RASA3: variants seen among roughly 807,000 people sequenced by gnomAD.
RASA3 encodes the protein RAS p21 protein activator 3, also known as ras GTPase-activating protein 3.
A neutral mutation model predicts 110.0 loss-of-function variants in RASA3; 73 were observed. That is an observed-to-expected ratio of 0.66 (90% CI 0.55 to 0.81). RASA3 has a LOEUF of 0.81. Ranked by LOEUF, RASA3 falls within the 30% of genes least tolerant of loss-of-function variation. RASA3 has a pLI of 0.00. For missense variants in RASA3, 976 were observed against 1,113.2 expected (o/e 0.88, Z 1.75); for synonymous variants, 500 against 451.4 (o/e 1.11, Z -1.37).
Position 114,011,084 on chromosome 13 carries a change from A to C in RASA3, c.1590+87T>G, listed in dbSNP as rs779834500. On this transcript the variant is annotated intron_variant, in intron 16 of 23. Transcript: ENST00000334062. This position sits in a 1 kb window ranked among gnomAD's most constrained non-coding sequence, Gnocchi z 4.8. The stretch of plus-strand genomic sequence containing the variant: ...TGATCTTTATCTTACGACTCTCTCA[A>C]ATGTGGGAGGTTTTTCACGTGTATT... The C allele has an allele frequency of 1.1e-4, 140 of 1,219,028 alleles. No homozygotes were observed. Among genetic ancestry groups the C allele is most frequent in the Admixed American group, 4.0e-4 (20 of 50,560 alleles). The allele number at this position is 1,219,028 out of a possible 1,614,324, so 75.5% of individuals were successfully genotyped here. A position where few individuals can be genotyped will look rare whatever the true frequency, so the allele number is the denominator to read the frequency against.
chr13:114,113,552 C>G lies in RASA3; in HGVS notation c.55+18883G>C, dbSNP rs9590452. Among the ~76,000 whole-genome samples, 188 of 151,666 alleles carry G rather than the reference C, an allele frequency of 1.2e-3. 1 individual carries two copies. The highest frequency in any genetic ancestry group is 3.4e-3 in the Middle Eastern group (1 of 292). ...GACTGGCTGGCTCACATTGTGTCCA[C>G]CAATCCACCCACCACGGCGAGTGAT... On this transcript the variant is annotated intron_variant, in intron 1 of 23. Transcript: ENST00000334062.
chr13:113,998,371 G>A (rs1364758737), intron 20 of RASA3, among the ~76,000 whole-genome samples: 2 of 152,176 alleles, frequency 1.3e-5, no homozygotes. Flanking sequence ...GATCTGTCTG[G>A]ACTGCCTGTG....
chr13:114,063,525 C>T (rs1246409182), intron 2 of RASA3, among the ~76,000 whole-genome samples: 2 of 152,092 alleles, frequency 1.3e-5, no homozygotes, highest in African/African-American at 2.4e-5. Flanking sequence ...AGGTTATGTT[C>T]CCTGTGACAG....
chr13:114,073,861 T>C, intron 1 of RASA3, 24 bp from the exon 2 acceptor site: 1 of 1,561,602 alleles, frequency 6.4e-7, no homozygotes, highest in South Asian at 1.1e-5. Context: ...GCGACATACA[T>C]CATCAGCAGC....
intron 2 of RASA3, among the ~76,000 whole-genome samples, chr13:114,053,772 A>C (rs1430955669): frequency 6.6e-6 from 1 of 152,278 alleles, no homozygotes; most frequent in Admixed American, 6.5e-5. Context: ...AATAAATGGA[A>C]AATCAAACTT....
intron 4 of RASA3, among the ~76,000 whole-genome samples, chr13:114,031,139 G>T (rs1292719260): frequency 6.6e-6 from 1 of 151,822 alleles, no homozygotes; most frequent in African/African-American, 2.4e-5. Context: ...CTGTGTGCAT[G>T]TTCGCCTGTG....
intron 2 of RASA3, among the ~76,000 whole-genome samples, chr13:114,070,404 G>C (rs1566549446): frequency 6.6e-6 from 1 of 152,112 alleles, no homozygotes; most frequent in Non-Finnish European, 1.5e-5. Context: ...TAATGCATGT[G>C]CACCGATGGA....
At chr13:114,045,760 AACAGCACC>A in intron 3 of RASA3, among the ~76,000 whole-genome samples, 1 of 152,330 alleles carries the variant, frequency 6.6e-6, no homozygotes, top group Admixed American at 6.5e-5. Flanking sequence ...ATTACACAAA[AACAGCACC>A]TTTCACAAAA....
At chr13:114,020,585 C>A (rs567803927) in intron 9 of RASA3, among the ~76,000 whole-genome samples, 1 of 152,210 alleles carries the variant, frequency 6.6e-6, no homozygotes, top group Admixed American at 6.5e-5. Flanking sequence ...TGGGAGTGCA[C>A]GCTTCCCGTG....
At chr13:114,024,220 G>A (rs933418912) in intron 8 of RASA3, 59 bp downstream of exon 8, 3 of 1,456,968 alleles carry the variant, frequency 2.1e-6, no homozygotes, top group Non-Finnish European at 2.9e-6. Context: ...AAGAACAAAA[G>A]AGCTGAGGAG....
At chr13:114,089,020 C>T (rs1269871166) in intron 1 of RASA3, among the ~76,000 whole-genome samples, 2 of 152,088 alleles carry the variant, frequency 1.3e-5, no homozygotes, top group African/African-American at 4.8e-5. Context: ...GGGACAGCCC[C>T]CAGCTCCTCC....
Position 114,011,816 on chromosome 13 carries a change from G to A in RASA3, c.1513-568C>T, listed in dbSNP as rs1324004288. Among the ~76,000 whole-genome samples the A allele has an allele frequency of 6.6e-6, 1 of 152,080 alleles. No individual in the cohort carries two copies. Among genetic ancestry groups the A allele is most frequent in the Non-Finnish European group, 1.5e-5 (1 of 68,020 alleles). On this transcript the variant is annotated intron_variant, in intron 15 of 23. Coordinates refer to ENST00000334062, the MANE Select transcript of RASA3 (RefSeq NM_007368.4). This position sits in a 1 kb window ranked among gnomAD's most constrained non-coding sequence, Gnocchi z 4.8. ...GCACGTCTGTAATCCAAGCTACTAG[G>A]GAGGCTGACGCACGAGAATTGCTTG...
intron 4 of RASA3, among the ~76,000 whole-genome samples, chr13:114,030,610 C>T (rs1203877246): frequency 6.6e-6 from 1 of 152,218 alleles, no homozygotes; most frequent in Admixed American, 6.5e-5. Context: ...CCCTGCGGGT[C>T]CACCTGTCTC....
At chr13:113,997,264 C>T (rs541051277) in intron 20 of RASA3, among the ~76,000 whole-genome samples, 1 of 152,306 alleles carries the variant, frequency 6.6e-6, no homozygotes, top group African/African-American at 2.4e-5. Context: ...CTCGGGGCAG[C>T]AACAACCTTT....
intron 1 of RASA3, among the ~76,000 whole-genome samples, chr13:114,076,213 A>G (rs1371985276): frequency 1.3e-5 from 2 of 152,196 alleles, no homozygotes; most frequent in Non-Finnish European, 2.9e-5. Context: ...AGACGCCTCT[A>G]ATTCAAAAGG....
chr13:114,014,388 G>C lies in RASA3; in HGVS notation c.1405+821C>G, dbSNP rs935524114. On this transcript the variant is annotated intron_variant, in intron 14 of 23. Transcript: ENST00000334062. The surrounding 1 kb of genome is among the most constrained non-coding windows in gnomAD (Gnocchi z 4.5). ...GCGCTGTCTGACTGTCTGATGTCCTGAGAATCAGGGGTGGGGACAGCGTTT... is the reference window on the plus strand; with the variant it reads ...GCGCTGTCTGACTGTCTGATGTCCTCAGAATCAGGGGTGGGGACAGCGTTT... Among the ~76,000 whole-genome samples, 2 of 152,178 alleles carry C rather than the reference G, an allele frequency of 1.3e-5. No homozygotes were observed. The highest frequency in any genetic ancestry group is 2.9e-5 in the Non-Finnish European group (2 of 68,032).
At chr13:114,100,292 A>G (rs1317858050) in intron 1 of RASA3, among the ~76,000 whole-genome samples, 1 of 151,872 alleles carries the variant, frequency 6.6e-6, no homozygotes, top group Non-Finnish European at 1.5e-5. Context: ...GACCCTCCCC[A>G]CTGCGTCCTG....
At chr13:114,007,511 G>A (rs775966846) in intron 18 of RASA3, 22 bp downstream of exon 18, 1 of 1,576,580 alleles carries the variant, frequency 6.3e-7, no homozygotes, top group South Asian at 1.1e-5. Context: ...TGCCCTGCCA[G>A]ACGCCACCTT....
intron 19 of RASA3, among the ~76,000 whole-genome samples, chr13:113,999,872 A>G (rs1445547504): frequency 1.4e-3 from 26 of 18,566 alleles, no homozygotes; most frequent in African/African-American, 6.2e-3. Flanking sequence ...GGTCTCTGCC[A>G]GGGGGTCTCT....
Sources: allele counts gnomAD v4.1 joint callset (sites outside exome capture counted in the v4.1 genomes callset), GRCh38; gene constraint gnomAD v4.1.1; non-coding constraint Gnocchi (gnomAD v3.1); transcripts MANE v1.5; gene names NCBI Gene and HGNC (gene_info 2026-07-23, HGNC 2026-07-21).